The following SLC71A2 variants were observed in gnomAD, a reference collection of about 807,000 sequenced individuals.
SLC71A2 encodes solute carrier family 71 member 2.
At chr9:94,455,378 A>ATTTTTTTTTTTTT in the SLC71A2 span, among the ~76,000 whole-genome samples, 65 of 85,780 alleles carry the variant, frequency 7.6e-4, 1 homozygote, top group African/African-American at 9.5e-4. Context: ...TAATATTCTG[A>ATTTTTTTTTTTTT]TTTTTTTTTT....
chr9:94,445,083 C>A, the SLC71A2 span: 9 of 1,614,200 alleles, frequency 5.6e-6, no homozygotes, highest in Non-Finnish European at 7.6e-6. Context: ...TTCTGGACAT[C>A]TGCTTCATCT....
At chr9:94,388,755 TATA>T in the SLC71A2 span, among the ~76,000 whole-genome samples, 1 of 152,140 alleles carries the variant, frequency 6.6e-6, no homozygotes, top group Non-Finnish European at 1.5e-5. Flanking sequence ...TTGATTTTAA[TATA>T]ATTTCTTGCC....
At chr9:94,422,520 G>A in the SLC71A2 span, among the ~76,000 whole-genome samples, 7 of 152,100 alleles carry the variant, frequency 4.6e-5, no homozygotes, top group East Asian at 1.4e-3. Flanking sequence ...TGTTTCTTGG[G>A]GTATATATCT....
At chr9:94,416,722 T>C in the SLC71A2 span, among the ~76,000 whole-genome samples, 1 of 151,940 alleles carries the variant, frequency 6.6e-6, no homozygotes, top group South Asian at 2.1e-4. Flanking sequence ...GGCATGGTGG[T>C]GCATGCCTGT....
At chr9:94,459,077 G>T in the SLC71A2 span, 2 of 1,408,848 alleles carry the variant, frequency 1.4e-6, no homozygotes, top group Admixed American at 2.0e-5. Flanking sequence ...TTGGTGGTGT[G>T]TTTTTTTTGG....
chr9:94,450,507 T>TTTTTTTTTTTC, the SLC71A2 span, among the ~76,000 whole-genome samples: 3 of 137,210 alleles, frequency 2.2e-5, no homozygotes, highest in Admixed American at 7.3e-5. Context: ...TTTTTTTTTT[T>TTTTTTTTTTTC]GAGATGGAGT....
At chr9:94,379,345 C>T in the SLC71A2 span, among the ~76,000 whole-genome samples, 2 of 147,480 alleles carry the variant, frequency 1.4e-5, no homozygotes, top group Non-Finnish European at 3.0e-5. Context: ...CTTGGCCTCC[C>T]AAAGTGCTGG....
At chr9:94,452,449 CA>C in the SLC71A2 span, among the ~76,000 whole-genome samples, 1 of 151,642 alleles carries the variant, frequency 6.6e-6, no homozygotes, top group African/African-American at 2.4e-5. Context: ...ATACAAAAAT[CA>C]GCTGGGTGTG....
the SLC71A2 span, among the ~76,000 whole-genome samples, chr9:94,456,814 T>A: frequency 2.0e-5 from 3 of 152,160 alleles, no homozygotes; most frequent in Non-Finnish European, 2.9e-5. Context: ...AGATGTTGAG[T>A]GAGAGATGAA....
the SLC71A2 span, among the ~76,000 whole-genome samples, chr9:94,455,169 T>TTTTC: frequency 8.7e-3 from 880 of 100,810 alleles, 32 homozygotes; most frequent in Non-Finnish European, 0.014. Context: ...TTTTTTTTTT[T>TTTTC]TTTTTTTTTT....
the SLC71A2 span, among the ~76,000 whole-genome samples, chr9:94,426,274 AT>A: frequency 6.6e-6 from 1 of 152,004 alleles, no homozygotes; most frequent in Non-Finnish European, 1.5e-5. Flanking sequence ...TGTGATTGTT[AT>A]CCTGGTGCCA....
At chr9:94,430,995 C>T in the SLC71A2 span, among the ~76,000 whole-genome samples, 2 of 152,120 alleles carry the variant, frequency 1.3e-5, no homozygotes, top group Admixed American at 6.5e-5. Context: ...CATAATTATA[C>T]GTTGTACTGA....
chr9:94,375,722 A>G, the SLC71A2 span, among the ~76,000 whole-genome samples: 2 of 151,468 alleles, frequency 1.3e-5, no homozygotes, highest in African/African-American at 2.4e-5. Flanking sequence ...TAGAAATTTT[A>G]TGGAAATTAA....
the SLC71A2 span, among the ~76,000 whole-genome samples, chr9:94,448,674 C>A: frequency 6.6e-6 from 1 of 152,134 alleles, no homozygotes; most frequent in Non-Finnish European, 1.5e-5. Context: ...GCTCTGTTGC[C>A]CAGGCTGGAG....
the SLC71A2 span, among the ~76,000 whole-genome samples, chr9:94,379,060 C>T: frequency 1.7e-5 from 2 of 116,438 alleles, no homozygotes; most frequent in East Asian, 2.6e-4. Context: ...CTCTTTTCAC[C>T]TTCTGTAGGG....
At chr9:94,383,511 T>C in the SLC71A2 span, among the ~76,000 whole-genome samples, 1 of 152,070 alleles carries the variant, frequency 6.6e-6, no homozygotes, top group Non-Finnish European at 1.5e-5. Context: ...AGTCAGTCTC[T>C]GAACTCTTTA....
chr9:94,382,399 T>C, the SLC71A2 span, among the ~76,000 whole-genome samples: 1 of 151,652 alleles, frequency 6.6e-6, no homozygotes. Flanking sequence ...TATTTTTTGT[T>C]GTTGTTGTTG....
chr9:94,381,701 T>C, the SLC71A2 span, among the ~76,000 whole-genome samples: 939 of 152,318 alleles, frequency 6.2e-3, 1 homozygote, highest in African/African-American at 0.02. Flanking sequence ...CTGGGCATGG[T>C]GGCTCATGCG....
the SLC71A2 span, chr9:94,438,591 T>A: frequency 1.2e-6 from 2 of 1,600,086 alleles, no homozygotes; most frequent in South Asian, 2.3e-5. Context: ...ATTATACTTA[T>A]ATTTGCAGAG....
Sources: gnomAD v4.1 joint callset for allele counts (sites outside exome capture counted in the v4.1 genomes callset) on GRCh38, gnomAD v4.1.1 for gene constraint, MANE v1.5 for transcripts, NCBI Gene and HGNC (gene_info 2026-07-23, HGNC 2026-07-21) for gene names.